The following GABRG1 variants were observed in gnomAD, a reference collection of about 807,000 sequenced individuals.
GABRG1 encodes the protein gamma-aminobutyric acid type A receptor subunit gamma1, also known as gamma-aminobutyric acid receptor subunit gamma-1.
GABRG1 carries 49 observed loss-of-function variants against 49.8 expected under a neutral mutation model. The ratio of observed to expected loss-of-function variants is 0.98; its 90% CI spans 0.78 to 1.25. The LOEUF is 1.25. Ranked by LOEUF, GABRG1 falls within the 50% of genes most tolerant of loss-of-function variation. The pLI is 0.00. For synonymous variants in GABRG1, 232 were observed against 185.1 expected (o/e 1.25, Z -2.06); for missense variants, 552 against 552.3 (o/e 1.00, Z 0.01).
intron 1 of GABRG1, among the ~76,000 whole-genome samples, chr4:46,116,938 T>C (rs1267214521): frequency 1.3e-5 from 2 of 150,592 alleles, no homozygotes; most frequent in African/African-American, 4.8e-5. Flanking sequence ...CAACACACTC[T>C]ATTACACGTG....
At chr4:46,078,091 A>C (rs921988020) in intron 3 of GABRG1, among the ~76,000 whole-genome samples, 1 of 151,820 alleles carries the variant, frequency 6.6e-6, no homozygotes, top group African/African-American at 2.4e-5. Flanking sequence ...ACAAAAAGTT[A>C]ATATATGCAG....
At chr4:46,113,917 C>A (rs1175615834) in intron 1 of GABRG1, among the ~76,000 whole-genome samples, 1 of 150,954 alleles carries the variant, frequency 6.6e-6, no homozygotes. Context: ...CACAGTATTT[C>A]AGGGAAAAGT....
At chr4:46,060,212 A>G (rs750731586) in intron 5 of GABRG1, among the ~76,000 whole-genome samples, 2 of 151,358 alleles carry the variant, frequency 1.3e-5, no homozygotes, top group African/African-American at 2.4e-5. Flanking sequence ...CTCACCCTGT[A>G]TGCTGATTTC....
chr4:46,114,770 A>G (rs923855402), intron 1 of GABRG1, among the ~76,000 whole-genome samples: 1 of 151,024 alleles, frequency 6.6e-6, no homozygotes. Flanking sequence ...ATGGTAGATA[A>G]CCTAACATAA....
At chr4:46,086,713 A>G (rs952321085) in intron 2 of GABRG1, among the ~76,000 whole-genome samples, 3 of 151,514 alleles carry the variant, frequency 2.0e-5, no homozygotes, top group Non-Finnish European at 4.4e-5. Flanking sequence ...CACCAAGTAT[A>G]TTATTGTTTG....
rs541541174 is a variant in GABRG1 at position 46,050,894 on chromosome 4, T to C, written c.1131+530A>G. ...AACATAATCATAGTCAATAACCCCA[T>C]ACATGAGTATATTAGATTCAGGAGA... On this transcript the variant is annotated intron_variant, in intron 8 of 8. Coordinates refer to ENST00000295452, the MANE Select transcript of GABRG1 (RefSeq NM_173536.4). Among the ~76,000 whole-genome samples, 37 of 152,002 alleles carry C rather than the reference T, an allele frequency of 2.4e-4. No homozygotes were observed. The Admixed American group carries it at 2.4e-3, about 10-fold the overall frequency.
chr4:46,082,036 G>A (rs777535337), intron 3 of GABRG1, among the ~76,000 whole-genome samples: 11 of 151,756 alleles, frequency 7.2e-5, no homozygotes, highest in Non-Finnish European at 1.6e-4. Flanking sequence ...AATACCAAAG[G>A]CAAAAGCGAA....
chr4:46,064,929 T>A (rs1718849894), intron 4 of GABRG1, among the ~76,000 whole-genome samples: 1 of 152,180 alleles, frequency 6.6e-6, no homozygotes. Flanking sequence ...TAAGCAGATA[T>A]GTTTAAGTCA....
chr4:46,109,437 A>G (rs545675700), intron 1 of GABRG1, among the ~76,000 whole-genome samples: 3 of 150,626 alleles, frequency 2.0e-5, no homozygotes, highest in Non-Finnish European at 4.5e-5. Flanking sequence ...TCTAGCTTTC[A>G]GTCCATCAAT....
chr4:46,082,639 T>G (rs1428212129), intron 3 of GABRG1, among the ~76,000 whole-genome samples: 1 of 151,844 alleles, frequency 6.6e-6, no homozygotes, highest in Non-Finnish European at 1.5e-5. Flanking sequence ...CACCACCTAC[T>G]TGTGAATGCC....
chr4:46,049,573 G>A (rs189727845), intron 8 of GABRG1, among the ~76,000 whole-genome samples: 25 of 151,754 alleles, frequency 1.6e-4, no homozygotes, highest in Admixed American at 1.4e-3. Flanking sequence ...TTTAATTTTC[G>A]TTCTTTACCT....
intron 1 of GABRG1, among the ~76,000 whole-genome samples, chr4:46,111,119 G>C (rs982963842): frequency 6.6e-6 from 1 of 150,948 alleles, no homozygotes; most frequent in Non-Finnish European, 1.5e-5. Context: ...CCACCAAAAG[G>C]CTCCTGGAAC....
At position 46,058,349 on chromosome 4, in the gene GABRG1, T is replaced by A; in HGVS notation, c.784A>T (p.Ile262Phe). 7 of 1,611,300 alleles carry A rather than the reference T, an allele frequency of 4.3e-6. No individual in the cohort carries two copies. The highest frequency in any genetic ancestry group is 1.3e-5 in the African/African-American group (1 of 74,886). ...ATTCTTCTGCTCAGGTCAAAAAAAA[T>A]TGTCATGATAACATAATCCCCTGTA... ...TISGDYVIMT[I>F]FFDLSRRMGY... Residue 262 changes from isoleucine (I) to phenylalanine (F), a missense_variant, in exon 7 of 9, where the codon ATT becomes TTT. Ile to Phe is a conservative substitution (Grantham distance 21). Transcript: ENST00000295452.
At chr4:46,084,909 C>A (rs1391172) in intron 2 of GABRG1, among the ~76,000 whole-genome samples, 88,236 of 151,156 alleles carry the variant, frequency 0.58, 26,468 homozygotes, top group African/African-American at 0.69. Flanking sequence ...CTAGCTAAGA[C>A]TTGTAGCCAA....
intron 3 of GABRG1, among the ~76,000 whole-genome samples, chr4:46,074,994 A>C (rs979805476): frequency 6.6e-6 from 1 of 151,980 alleles, no homozygotes; most frequent in Non-Finnish European, 1.5e-5. Flanking sequence ...AATGTGGGCA[A>C]AAGGCAAGAT....
intron 2 of GABRG1, among the ~76,000 whole-genome samples, chr4:46,092,625 C>A (rs1351049473): frequency 6.6e-6 from 1 of 151,898 alleles, no homozygotes; most frequent in Admixed American, 6.6e-5. Flanking sequence ...TTAAACATAT[C>A]TGCATTAACC....
At chr4:46,076,764 A>G (rs1222439405) in intron 3 of GABRG1, among the ~76,000 whole-genome samples, 3 of 151,778 alleles carry the variant, frequency 2.0e-5, no homozygotes, top group Admixed American at 6.6e-5. Context: ...ATTGTAACCA[A>G]TTCAAGACTG....
At position 46,041,071 on chromosome 4, in the gene GABRG1, T is replaced by G; in HGVS notation, c.1315A>C (p.Ile439Leu). 1 of 1,613,052 alleles carries G rather than the reference T, an allele frequency of 6.2e-7. No individual in the cohort carries two copies. Among genetic ancestry groups the G allele is most frequent in the Non-Finnish European group, 8.5e-7 (1 of 1,179,328 alleles). The change falls in exon 9 of 9, where the codon ATT becomes CTT. Residue 439 changes from isoleucine to leucine, a missense_variant. Coordinates refer to ENST00000295452, the MANE Select transcript of GABRG1 (RefSeq NM_173536.4). ...EGRIHIRIAKIDSYSRIFFPT... is the reference protein window; with the variant it reads ...EGRIHIRIAKLDSYSRIFFPT... ...AAAAATATTCTAGAATAAGAGTCAA[T>G]TTTGGCAATGCGTATGTGTATCCTT... is the stretch of plus-strand genomic sequence containing the variant.
At chr4:46,119,465 T>C (rs766135945) in intron 1 of GABRG1, among the ~76,000 whole-genome samples, 1 of 151,528 alleles carries the variant, frequency 6.6e-6, no homozygotes, top group Non-Finnish European at 1.5e-5. Flanking sequence ...TTCACAAAAA[T>C]GTTTTTCCCC....
Sources: gnomAD v4.1 joint callset for allele counts (sites outside exome capture counted in the v4.1 genomes callset) on GRCh38, gnomAD v4.1.1 for gene constraint, MANE v1.5 for transcripts, NCBI Gene and HGNC (gene_info 2026-07-23, HGNC 2026-07-21) for gene names.